The following ANKH variants were observed in gnomAD, a reference collection of about 807,000 sequenced individuals.
ANKH encodes mineralization regulator ANKH.
Under a neutral mutation model 49.0 loss-of-function variants are expected in ANKH, and 15 were observed. The ratio of observed to expected loss-of-function variants is 0.31; its 90% CI spans 0.20 to 0.47. The LOEUF is 0.47. ANKH is among the 20% of genes least tolerant of loss of function. ANKH has a pLI of 1.00. For synonymous variants in ANKH, 273 were observed against 260.0 expected (o/e 1.05, Z -0.48); for missense variants, 429 against 652.0 (o/e 0.66, Z 3.72).
chr5:14,853,952 C>G (rs1348763250), intron 1 of ANKH, among the ~76,000 whole-genome samples: 1 of 152,124 alleles, frequency 6.6e-6, no homozygotes, highest in African/African-American at 2.4e-5. Flanking sequence ...CCACTGTCAC[C>G]AGGCACCTGG....
intron 8 of ANKH, among the ~76,000 whole-genome samples, chr5:14,734,466 A>T (rs1178826276): frequency 6.6e-6 from 1 of 152,262 alleles, no homozygotes; most frequent in African/African-American, 2.4e-5. Flanking sequence ...AGAATTAAAA[A>T]GAAAATTTTA....
intron 1 of ANKH, among the ~76,000 whole-genome samples, chr5:14,862,930 C>G (rs1164981211): frequency 6.6e-6 from 1 of 152,164 alleles, no homozygotes; most frequent in Admixed American, 6.5e-5. Context: ...CCAAAGGAAG[C>G]CACCAAAGTT....
intron 1 of ANKH, among the ~76,000 whole-genome samples, chr5:14,807,862 T>A (rs1229868050): frequency 6.6e-6 from 1 of 152,212 alleles, no homozygotes; most frequent in Admixed American, 6.5e-5. Flanking sequence ...GGGGGGTTAC[T>A]TGAATCCATT....
At chr5:14,756,890 C>G (rs571592098) in intron 3 of ANKH, among the ~76,000 whole-genome samples, 14 of 152,220 alleles carry the variant, frequency 9.2e-5, no homozygotes, top group African/African-American at 3.4e-4. Flanking sequence ...TCTGGGGGAA[C>G]TTACAGAAGA....
At chr5:14,711,428 T>C in intron 11 of ANKH, 118 bp from the exon 12 acceptor site, 2 of 844,104 alleles carry the variant, frequency 2.4e-6, no homozygotes, top group East Asian at 2.4e-5. Flanking sequence ...GCTTAAACCT[T>C]CTTATGGTTG....
chr5:14,800,727 CTTT>C (rs901835855), intron 1 of ANKH, among the ~76,000 whole-genome samples: 30 of 135,270 alleles, frequency 2.2e-4, no homozygotes, highest in African/African-American at 4.4e-4. Flanking sequence ...CATTTTTTTT[CTTT>C]TTTTTTTTTT....
intron 1 of ANKH, among the ~76,000 whole-genome samples, chr5:14,858,119 T>C (rs1009216458): frequency 8.5e-5 from 13 of 152,332 alleles, no homozygotes; most frequent in East Asian, 3.9e-4. Context: ...AATCATCACA[T>C]TTTATTTCAC....
chr5:14,859,366 T>G (rs996796708), intron 1 of ANKH, among the ~76,000 whole-genome samples: 1 of 152,248 alleles, frequency 6.6e-6, no homozygotes, highest in Non-Finnish European at 1.5e-5. Flanking sequence ...TAAGGCTGTA[T>G]AATAGTCCAT....
chr5:14,865,355 C>G (rs2453318), intron 1 of ANKH, among the ~76,000 whole-genome samples: 1 of 151,950 alleles, frequency 6.6e-6, no homozygotes, highest in Non-Finnish European at 1.5e-5. Context: ...AAATTAGAGG[C>G]ATTTTTTCAC....
chr5:14,776,413 T>C (rs1739623563), intron 1 of ANKH, among the ~76,000 whole-genome samples: 1 of 152,154 alleles, frequency 6.6e-6, no homozygotes, highest in Non-Finnish European at 1.5e-5. Flanking sequence ...ACAGATAGAA[T>C]TTAAAGCTAG....
chr5:14,795,297 C>T (rs1740337552), intron 1 of ANKH, among the ~76,000 whole-genome samples: 1 of 152,064 alleles, frequency 6.6e-6, no homozygotes, highest in Admixed American at 6.5e-5. Flanking sequence ...CAATTGTGAC[C>T]TACTAAACAA....
rs146341565 is a variant in ANKH at position 14,789,543 on chromosome 5, C to A, written c.97-20352G>T. 7.9e-5 allele frequency among the ~76,000 whole-genome samples: 12 copies of A among 151,784 alleles called. No individual in the cohort carries two copies. The East Asian group carries it at 1.5e-3, about 20-fold the overall frequency. Reference sequence around the variant, plus strand: ...TATTCAGTGTTTGGCTTGGTAACCTCTCTTTAACACTAAGGAATAAACCAC... The same window carrying A: ...TATTCAGTGTTTGGCTTGGTAACCTATCTTTAACACTAAGGAATAAACCAC... On this transcript the variant is annotated intron_variant, in intron 1 of 11. Transcript: ENST00000284268.
At chr5:14,727,874 T>TA (rs1244649711) in intron 8 of ANKH, among the ~76,000 whole-genome samples, 4 of 152,136 alleles carry the variant, frequency 2.6e-5, no homozygotes, top group African/African-American at 4.8e-5. Flanking sequence ...TTTCTACAAT[T>TA]AAAAAAATCT....
At chr5:14,792,494 C>A (rs370610590) in intron 1 of ANKH, among the ~76,000 whole-genome samples, 406 of 152,208 alleles carry the variant, frequency 2.7e-3, no homozygotes, top group Non-Finnish European at 3.7e-3. Flanking sequence ...CAGTGGCCCT[C>A]CTCCCCAGGT....
Position 14,708,147 on chromosome 5 carries a change from C to G in ANKH, c.*3050G>C, listed in dbSNP as rs1043185771. ...GAGATCCCTGTAAGTCACTACAGAA[C>G]AAATGGCAACTGCACATTTAGGATG... On this transcript the variant is annotated 3_prime_UTR_variant, in exon 12 of 12. Coordinates refer to ENST00000284268, the MANE Select transcript of ANKH (RefSeq NM_054027.6). 6.6e-6 allele frequency: 1 copy of G among 152,246 alleles called. No homozygotes were observed. The highest frequency in any genetic ancestry group is 2.4e-5 in the African/African-American group (1 of 41,452). The allele number at this position is 152,246 out of a possible 1,614,324, so 9.4% of individuals were successfully genotyped here. A position where few individuals can be genotyped will look rare whatever the true frequency, so the allele number is the denominator to read the frequency against.
chr5:14,850,601 C>T (rs556245174), intron 1 of ANKH, among the ~76,000 whole-genome samples: 3 of 152,224 alleles, frequency 2.0e-5, no homozygotes, highest in Non-Finnish European at 4.4e-5. Flanking sequence ...CAGAGTGTGG[C>T]AGTGCCAACA....
chr5:14,766,460 C>T (rs1017554214), intron 2 of ANKH, among the ~76,000 whole-genome samples: 5 of 152,124 alleles, frequency 3.3e-5, no homozygotes, highest in African/African-American at 9.7e-5. Flanking sequence ...CCTTCAGAGA[C>T]GGTTAAGAAA....
In ANKH at chr5:14,713,478, T is replaced by TA. The variant is rs1256964117; in HGVS notation, c.1265+65dup. 4 of 1,600,954 alleles carry TA rather than the reference T, an allele frequency of 2.5e-6. No homozygotes were observed. The highest frequency in any genetic ancestry group is 3.4e-6 in the Non-Finnish European group (4 of 1,171,754). On this transcript the variant is annotated intron_variant, in intron 10 of 11. Coordinates refer to ENST00000284268, the MANE Select transcript of ANKH (RefSeq NM_054027.6). The surrounding 1 kb of genome is among the most constrained non-coding windows in gnomAD (Gnocchi z 4.4). Reference sequence around the variant, plus strand: ...GGATTTCCCCTGAAAATGTAGCTGTTAAACCTCTGGACACAGTATTGAAGT... The same window carrying TA: ...GGATTTCCCCTGAAAATGTAGCTGTTAAAACCTCTGGACACAGTATTGAAGT...
intron 1 of ANKH, among the ~76,000 whole-genome samples, chr5:14,795,287 C>T (rs1325018354): frequency 2.6e-5 from 4 of 152,066 alleles, no homozygotes; most frequent in African/African-American, 7.2e-5. Context: ...TGGTAAAATC[C>T]AATTGTGACC....
Sources: gnomAD v4.1 joint callset for allele counts (sites outside exome capture counted in the v4.1 genomes callset) on GRCh38, gnomAD v4.1.1 for gene constraint, Gnocchi (gnomAD v3.1) non-coding constraint, MANE v1.5 for transcripts, NCBI Gene and HGNC (gene_info 2026-07-23, HGNC 2026-07-21) for gene names.